Variants in PARP1 observed in about 807,000 individuals in gnomAD.
PARP1 encodes the protein poly [ADP-ribose] polymerase 1.
Under a neutral mutation model 118.7 loss-of-function variants are expected in PARP1, and 44 were observed. The ratio of observed to expected loss-of-function variants is 0.37; its 90% CI spans 0.29 to 0.48. The LOEUF (loss-of-function observed/expected upper bound fraction) is 0.48. Among genes scored for constraint, PARP1 ranks in the 20% least tolerant of loss-of-function variants. The probability of loss-of-function intolerance (pLI) is 0.99; values close to 1 mark genes in which losing one functional copy is unlikely to be tolerated. For missense variants in PARP1, 1,100 were observed against 1,272.4 expected (o/e 0.86, Z 2.06); for synonymous variants, 492 against 483.2 (o/e 1.02, Z -0.24).
chr1:226,405,844 G>A (rs917059872), intron 1 of PARP1, among the ~76,000 whole-genome samples: 1 of 152,114 alleles, frequency 6.6e-6, no homozygotes, highest in African/African-American at 2.4e-5. Context: ...GGCCAGTCAC[G>A]GTGGCTCATG....
intron 2 of PARP1, among the ~76,000 whole-genome samples, chr1:226,396,987 A>G (rs951345271): frequency 1.3e-5 from 2 of 152,052 alleles, no homozygotes; most frequent in African/African-American, 4.8e-5. Flanking sequence ...AAGAGAAAAC[A>G]GCCACAGAAC....
At chr1:226,392,587 C>T (rs1664840695) in intron 2 of PARP1, 4 of 550,036 alleles carry the variant, frequency 7.3e-6, no homozygotes, top group Non-Finnish European at 1.3e-5. Flanking sequence ...CATCTCCTCC[C>T]CTTTCTCTGG....
At chr1:226,361,764 A>G in intron 22 of PARP1, 1 of 663,344 alleles carries the variant, frequency 1.5e-6, no homozygotes, top group Non-Finnish European at 2.7e-6. Flanking sequence ...AGAGGAGATC[A>G]TCCTCTGGAA....
chr1:226,367,290 G>A, intron 17 of PARP1, 190 bp downstream of exon 17: 1 of 681,504 alleles, frequency 1.5e-6, no homozygotes, highest in Non-Finnish European at 2.6e-6. Context: ...ATCTACACGT[G>A]AAACGCCCAA....
At chr1:226,381,796 A>G (rs1227474439) in intron 8 of PARP1, among the ~76,000 whole-genome samples, 1 of 152,202 alleles carries the variant, frequency 6.6e-6, no homozygotes, top group Non-Finnish European at 1.5e-5. Flanking sequence ...ACAGCAAACA[A>G]CACAGTGCAG....
chr1:226,401,886 A>C, intron 2 of PARP1: 3 of 1,032,306 alleles, frequency 2.9e-6, no homozygotes, highest in Non-Finnish European at 4.1e-6. Context: ...TTGACAAGGA[A>C]GAGCCTGTGT....
At chr1:226,403,624 G>C (rs1226692716) in intron 1 of PARP1, among the ~76,000 whole-genome samples, 1 of 152,172 alleles carries the variant, frequency 6.6e-6, no homozygotes, top group Admixed American at 6.5e-5. Context: ...TTCACAGATG[G>C]AGACAGTGGG....
intron 5 of PARP1, among the ~76,000 whole-genome samples, chr1:226,388,331 G>A (rs949295655): frequency 1.3e-5 from 2 of 152,222 alleles, no homozygotes; most frequent in Non-Finnish European, 2.9e-5. Context: ...GGTGCAGGGT[G>A]TACAGTTGTG....
intron 2 of PARP1, among the ~76,000 whole-genome samples, chr1:226,399,599 T>C (rs1050028825): frequency 6.6e-6 from 1 of 152,222 alleles, no homozygotes; most frequent in African/African-American, 2.4e-5. Flanking sequence ...GGTACATGCA[T>C]GTCAATGTAT....
intron 18 of PARP1, 150 bp downstream of exon 18, chr1:226,365,804 C>T: frequency 2.5e-6 from 1 of 403,066 alleles, no homozygotes; most frequent in East Asian, 4.4e-5. Flanking sequence ...AAAAAAAAAA[C>T]TACTAATTTT....
intron 2 of PARP1, among the ~76,000 whole-genome samples, chr1:226,400,555 G>T (rs1665014944): frequency 6.6e-6 from 1 of 152,206 alleles, no homozygotes; most frequent in Non-Finnish European, 1.5e-5. Context: ...TTGTTCCCTA[G>T]CACTGTCACT....
intron 16 of PARP1, among the ~76,000 whole-genome samples, chr1:226,367,996 C>T (rs1017742288): frequency 6.6e-6 from 1 of 152,122 alleles, no homozygotes; most frequent in Non-Finnish European, 1.5e-5. Context: ...AGCTCTTTCC[C>T]CAGTGGATTT....
chr1:226,401,287 A>C (rs749968945), intron 2 of PARP1, among the ~76,000 whole-genome samples: 3 of 152,208 alleles, frequency 2.0e-5, no homozygotes, highest in African/African-American at 4.8e-5. Context: ...GTGGTAGAAG[A>C]AAGCAGCTTT....
chr1:226,382,887 AT>A, intron 8 of PARP1, 148 bp downstream of exon 8: 1 of 820,854 alleles, frequency 1.2e-6, no homozygotes, highest in Non-Finnish European at 2.0e-6. Context: ...GAAGAGGCCT[AT>A]CCCCTGCAGG....
At chr1:226,366,104 AGAG>A (rs748268733) in intron 17 of PARP1, 52 bp from the exon 18 acceptor site, 1 of 1,244,670 alleles carries the variant, frequency 8.0e-7, no homozygotes, top group Non-Finnish European at 1.2e-6. Context: ...GGAGAGCTAC[AGAG>A]GAGGAATGCT....
chr1:226,404,998 G>GCCCA (rs1379810065), intron 1 of PARP1, among the ~76,000 whole-genome samples: 2 of 152,154 alleles, frequency 1.3e-5, no homozygotes, highest in Non-Finnish European at 2.9e-5. Context: ...ATGCTGGAGG[G>GCCCA]CCCAGCTCAT....
chr1:226,381,562 G>T (rs1159781572), intron 8 of PARP1, among the ~76,000 whole-genome samples: 1 of 152,198 alleles, frequency 6.6e-6, no homozygotes, highest in Admixed American at 6.5e-5. Flanking sequence ...GGGAAGAGGG[G>T]TAAGGTCACA....
In PARP1 at chr1:226,363,082, C is replaced by G. The variant is rs1664182714; in HGVS notation, c.2848+17G>C. 6.2e-7 allele frequency: 1 copy of G among 1,605,540 alleles called. No individual in the cohort carries two copies. The highest frequency in any genetic ancestry group is 1.3e-5 in the African/African-American group (1 of 74,764). On this transcript the variant is annotated intron_variant, in intron 21 of 22. Coordinates refer to ENST00000366794, the MANE Select transcript of PARP1 (RefSeq NM_001618.4). The stretch of plus-strand genomic sequence containing the variant: ...AGGGTGCCTCGGGCTGTAGCAACAG[C>G]TTTGGAAACACTTTACCTTTGACAC...
chr1:226,362,237 G>A lies in PARP1; in HGVS notation c.2849-154C>T. On this transcript the variant is annotated intron_variant, in intron 21 of 22. Transcript: ENST00000366794. ...GAGTCTCACTGTCGCCCAGGCCGGAGTGCAATGGTGTGACTTCAGCTCAGT... is the reference window on the plus strand; with the variant it reads ...GAGTCTCACTGTCGCCCAGGCCGGAATGCAATGGTGTGACTTCAGCTCAGT... The A allele has an allele frequency of 4.9e-6, 3 of 613,776 alleles. No homozygotes were observed. In the South Asian group the frequency reaches 5.6e-5, roughly 11 times the overall value. 38.0% of individuals were successfully genotyped at this position (613,776 alleles called of 1,614,324 possible). A position where few individuals can be genotyped will look rare whatever the true frequency, so the allele number is the denominator to read the frequency against.
Sources: allele counts gnomAD v4.1 joint callset (sites outside exome capture counted in the v4.1 genomes callset), GRCh38; gene constraint gnomAD v4.1.1; transcripts MANE v1.5; gene names NCBI Gene and HGNC (gene_info 2026-07-23, HGNC 2026-07-21).